CEP63: variants seen among roughly 807,000 people sequenced by gnomAD.
CEP63 encodes the protein centrosomal protein of 63 kDa.
In CEP63, 84 loss-of-function variants were observed where a neutral mutation model predicts 89.1. The observed-to-expected ratio is 0.94, with a 90% confidence interval of 0.79 to 1.13. The LOEUF (loss-of-function observed/expected upper bound fraction) is 1.13. CEP63 is among the 50% of genes most tolerant of loss of function. The probability of loss-of-function intolerance (pLI) is 0.00; values close to 1 mark genes in which losing one functional copy is unlikely to be tolerated. For missense variants in CEP63, 838 were observed against 813.3 expected (o/e 1.03, Z -0.37); for synonymous variants, 267 against 272.5 (o/e 0.98, Z 0.20).
At chr3:134,698,871 A>G in the CEP63 span, among the ~76,000 whole-genome samples, 2 of 152,232 alleles carry the variant, frequency 1.3e-5, no homozygotes, top group South Asian at 2.1e-4. Flanking sequence ...CAGGCACTGT[A>G]TGAGGTTCTG....
At chr3:134,656,903 A>C in the CEP63 span, among the ~76,000 whole-genome samples, 176 of 152,342 alleles carry the variant, frequency 1.2e-3, no homozygotes, top group African/African-American at 4.1e-3. Context: ...AAAGAAGAAA[A>C]TAAAGCCACC....
chr3:134,573,045 G>A (rs559084292), intron 11 of CEP63, among the ~76,000 whole-genome samples: 16 of 152,202 alleles, frequency 1.1e-4, no homozygotes, highest in African/African-American at 3.6e-4. Flanking sequence ...TTTGTTGACT[G>A]CTTGTATGTC....
chr3:134,661,864 A>C, the CEP63 span, among the ~76,000 whole-genome samples: 97 of 148,542 alleles, frequency 6.5e-4, no homozygotes, highest in African/African-American at 2.2e-3. Flanking sequence ...TAATATCAAG[A>C]GGTGGAGGCT....
chr3:134,518,132 TTAA>T (rs1479681162), intron 3 of CEP63, among the ~76,000 whole-genome samples: 11 of 152,166 alleles, frequency 7.2e-5, no homozygotes, highest in African/African-American at 2.7e-4. Context: ...CTATAAATAC[TTAA>T]TAATGTAGCC....
the CEP63 span, among the ~76,000 whole-genome samples, chr3:134,765,290 C>T: frequency 6.6e-6 from 1 of 152,244 alleles, no homozygotes; most frequent in Non-Finnish European, 1.5e-5. Flanking sequence ...TAAATACTTA[C>T]TCATCACCTG....
At chr3:134,749,325 G>A in the CEP63 span, among the ~76,000 whole-genome samples, 5 of 152,170 alleles carry the variant, frequency 3.3e-5, no homozygotes, top group Non-Finnish European at 7.3e-5. Context: ...CACACTCTGA[G>A]TATCACCAGA....
At chr3:134,782,208 A>G in the CEP63 span, among the ~76,000 whole-genome samples, 2 of 152,334 alleles carry the variant, frequency 1.3e-5, no homozygotes, top group African/African-American at 4.8e-5. Context: ...AACTTTTTCA[A>G]TCCTGGGACA....
the CEP63 span, among the ~76,000 whole-genome samples, chr3:134,697,937 G>A: frequency 6.6e-6 from 1 of 152,314 alleles, no homozygotes; most frequent in South Asian, 2.1e-4. Flanking sequence ...GCAGAATGTG[G>A]GTTGTCCTCT....
chr3:134,699,372 C>G, the CEP63 span, among the ~76,000 whole-genome samples: 1 of 152,136 alleles, frequency 6.6e-6, no homozygotes, highest in Non-Finnish European at 1.5e-5. Flanking sequence ...ACAGGATTGA[C>G]AGAAAGGTGC....
the CEP63 span, among the ~76,000 whole-genome samples, chr3:134,643,621 A>G: frequency 1.3e-5 from 2 of 152,238 alleles, no homozygotes; most frequent in Admixed American, 1.3e-4. Context: ...GTGCCAGCAC[A>G]GGCTGGGTTT....
At chr3:134,753,631 C>G in the CEP63 span, among the ~76,000 whole-genome samples, 1 of 152,244 alleles carries the variant, frequency 6.6e-6, no homozygotes, top group Non-Finnish European at 1.5e-5. Flanking sequence ...GGAAAACATA[C>G]ACAGTCACAT....
At chr3:134,750,000 T>C in the CEP63 span, among the ~76,000 whole-genome samples, 2 of 152,180 alleles carry the variant, frequency 1.3e-5, no homozygotes, top group African/African-American at 2.4e-5. Flanking sequence ...GTATGTGAGC[T>C]TGGCATTGGA....
chr3:134,494,317 T>C (rs1938944150), intron 1 of CEP63, among the ~76,000 whole-genome samples: 1 of 151,610 alleles, frequency 6.6e-6, no homozygotes, highest in Non-Finnish European at 1.5e-5. Flanking sequence ...AGTTTTACCA[T>C]GTTGGCCAGG....
At chr3:134,664,185 G>T in the CEP63 span, among the ~76,000 whole-genome samples, 1 of 152,146 alleles carries the variant, frequency 6.6e-6, no homozygotes, top group Non-Finnish European at 1.5e-5. Context: ...GCCCCTACTG[G>T]GTATTTTTAT....
the CEP63 span, among the ~76,000 whole-genome samples, chr3:134,751,735 C>G: frequency 3.9e-5 from 6 of 152,254 alleles, 1 homozygote; most frequent in African/African-American, 1.4e-4. Flanking sequence ...ACCGAAGTGG[C>G]TCAGGATATT....
the CEP63 span, among the ~76,000 whole-genome samples, chr3:134,752,492 C>A: frequency 1.3e-5 from 2 of 152,308 alleles, no homozygotes; most frequent in Admixed American, 1.3e-4. Flanking sequence ...CTCTCTTGCA[C>A]CCTCATTTCG....
intron 3 of CEP63, among the ~76,000 whole-genome samples, chr3:134,524,821 A>G (rs147310928): frequency 6.3e-4 from 96 of 152,240 alleles, no homozygotes; most frequent in African/African-American, 2.2e-3. Context: ...ATGTTCATCA[A>G]TGATATTGGC....
chr3:134,701,329 TACACACAC>T, the CEP63 span, among the ~76,000 whole-genome samples: 1 of 54,818 alleles, frequency 1.8e-5, no homozygotes, highest in Non-Finnish European at 3.5e-5. Flanking sequence ...TATATACATA[TACACACAC>T]ATATACGTAT....
the CEP63 span, among the ~76,000 whole-genome samples, chr3:134,733,421 C>T: frequency 6.7e-6 from 1 of 149,830 alleles, no homozygotes; most frequent in Admixed American, 6.6e-5. Context: ...TATTCAAATA[C>T]ATGCAAAAAA....
Sources: allele counts gnomAD v4.1 joint callset (sites outside exome capture counted in the v4.1 genomes callset), GRCh38; gene constraint gnomAD v4.1.1; transcripts MANE v1.5; gene names NCBI Gene and HGNC (gene_info 2026-07-23, HGNC 2026-07-21).